ZNF318: variants seen among roughly 807,000 people sequenced by gnomAD.
ZNF318 encodes the protein endocrine regulator.
In ZNF318, 51 loss-of-function variants were observed where a neutral mutation model predicts 124.2. The observed-to-expected ratio is 0.41, with a 90% CI of 0.33 to 0.52. The LOEUF (loss-of-function observed/expected upper bound fraction) is 0.52. Among genes scored for constraint, ZNF318 ranks in the 20% least tolerant of loss-of-function variants. The pLI, the probability that ZNF318 is intolerant of heterozygous loss-of-function variation, is 0.23. For missense variants in ZNF318, 2,815 were observed against 2,811.2 expected (o/e 1.00, Z -0.03); for synonymous variants, 1,090 against 1,040.7 (o/e 1.05, Z -0.91).
rs774327361 is a variant in ZNF318, at chr6:43,339,919, C to A, written c.4079G>T (p.Arg1360Leu). Reference protein sequence around the residue: ...PNLPIPSTVLRKSCSATMSKP... With the variant: ...PNLPIPSTVLLKSCSATMSKP... Reference sequence around the variant, plus strand: ...GCTCATTGTGGCTGAACATGACTTGCGGAGTACTGTGGATGGAATAGGCAG... The same window carrying A: ...GCTCATTGTGGCTGAACATGACTTGAGGAGTACTGTGGATGGAATAGGCAG... The change falls in exon 10 of 10, where the codon CGC becomes CTC. Residue 1360 changes from arginine to leucine, a missense_variant. Arg to Leu is a moderately radical substitution (Grantham distance 102, BLOSUM62 -2). This residue lies in a region of ZNF318 where 500 missense variants were observed against 605.2 expected (regional missense o/e 0.83). Coordinates refer to ENST00000361428, the MANE Select transcript of ZNF318 (RefSeq NM_014345.3). The surrounding 1 kb of genome is among the most constrained non-coding windows in gnomAD (Gnocchi z 4.2). 1 of 1,614,056 alleles carries A rather than the reference C, an allele frequency of 6.2e-7. No homozygotes were observed. Among genetic ancestry groups the A allele is most frequent in the South Asian group, 1.1e-5 (1 of 91,080 alleles).
chr6:43,360,942 G>A (rs1468508082), intron 2 of ZNF318, among the ~76,000 whole-genome samples: 1 of 152,150 alleles, frequency 6.6e-6, no homozygotes, highest in Non-Finnish European at 1.5e-5. Flanking sequence ...AGGGTGGAGG[G>A]AGTAATGGCT....
At position 43,365,233 on chromosome 6, in the gene ZNF318, C is replaced by G; in HGVS notation, c.548+59G>C. 3.2e-6 allele frequency: 5 copies of G among 1,552,040 alleles called. No homozygotes were observed. In the South Asian group the frequency reaches 3.5e-5, roughly 11 times the overall value. On this transcript the variant is annotated intron_variant, in intron 2 of 9. Transcript: ENST00000361428. ...CCTTTCAAATATATCATTCGGAAAACAGCAACATTTCTGCCTTCAAGTACT... is the reference window on the plus strand; with the variant it reads ...CCTTTCAAATATATCATTCGGAAAAGAGCAACATTTCTGCCTTCAAGTACT...
Position 43,344,627 on chromosome 6 carries a change from T to A in ZNF318, c.3073-1748A>T, listed in dbSNP as rs933833937. ...TCTATACTCCTTATCCTGTTTTCTT[T>A]TTTTAGGCACTTCTCATTACCTAAC... On this transcript the variant is annotated intron_variant, in intron 6 of 9. Transcript: ENST00000361428. Among the ~76,000 whole-genome samples, 8 of 152,316 alleles carry A rather than the reference T, an allele frequency of 5.3e-5. No individual in the cohort carries two copies. In the South Asian group the frequency reaches 1.7e-3, roughly 32 times the overall value.
intron 3 of ZNF318, 114 bp downstream of exon 3, chr6:43,357,012 C>T (rs1485605957): frequency 9.5e-6 from 12 of 1,260,888 alleles, no homozygotes; most frequent in South Asian, 1.5e-5. Context: ...CTCACAATGT[C>T]GGTCCAGCAC....
chr6:43,352,387 A>G lies in ZNF318; in HGVS notation c.2760T>C (p.His920=). Reference sequence around the variant, plus strand: ...CAAAGCAGCTGATACCTTGTTGTTTATGAAGCCGCTCTAACTCGGTCCTAA... The same window carrying G: ...CAAAGCAGCTGATACCTTGTTGTTTGTGAAGCCGCTCTAACTCGGTCCTAA... The part of the protein sequence containing the change: ...YYLRTELERL[H]KQQGEMLRKK... Residue 920 remains histidine (H), a synonymous_variant, in exon 5 of 10, where the codon CAT becomes CAC. Transcript: ENST00000361428. 1 of 1,614,088 alleles carries G rather than the reference A, an allele frequency of 6.2e-7. No individual in the cohort carries two copies. The highest frequency in any genetic ancestry group is 1.1e-5 in the South Asian group (1 of 91,076).
rs549011894 is a variant in ZNF318 at position 43,355,438 on chromosome 6, G to A, written c.1896C>T (p.Arg632=). The change falls in exon 4 of 10, where the codon CGC becomes CGT. Residue 632 remains arginine, a synonymous_variant. Transcript: ENST00000361428. The part of the protein sequence containing the change: ...KKPSLRSSAD[R]RSSVDRYFSA... The stretch of plus-strand genomic sequence containing the variant: ...AAAAGTATCGGTCAACTGAGGAACG[G>A]CGGTCAGCTGAGGAGCGTAATGATG... 6 of 1,614,060 alleles carry A rather than the reference G, an allele frequency of 3.7e-6. No individual in the cohort carries two copies. Among genetic ancestry groups the A allele is most frequent in the African/African-American group, 2.7e-5 (2 of 74,936 alleles).
chr6:43,368,686 C>T, intron 1 of ZNF318: 1 of 985,466 alleles, frequency 1.0e-6, no homozygotes, highest in Non-Finnish European at 1.2e-6. Context: ...TGCCCCTCGC[C>T]TTGGCAAACT....
At chr6:43,345,877 C>T (rs571031496) in intron 6 of ZNF318, among the ~76,000 whole-genome samples, 6 of 151,942 alleles carry the variant, frequency 3.9e-5, no homozygotes, top group African/African-American at 1.2e-4. Context: ...GAGGCTGAGG[C>T]GGGAGGATCA....
intron 2 of ZNF318, among the ~76,000 whole-genome samples, chr6:43,361,302 C>A (rs1222461616): frequency 1.3e-5 from 2 of 152,244 alleles, no homozygotes; most frequent in African/African-American, 4.8e-5. Flanking sequence ...CAATGGCTCA[C>A]ACCTGTAATC....
chr6:43,337,870 ACTTT>A lies in ZNF318; in HGVS notation c.6124_6127del (p.Lys2042CysfsTer10). ...AGGTGATACAGAATTTTCTTCACAC[ACTTT>A]CTGACACAAGACAGTTGGGGATCTA... On this transcript the variant is annotated frameshift_variant, in exon 10 of 10. Coordinates refer to ENST00000361428, the MANE Select transcript of ZNF318 (RefSeq NM_014345.3). LOFTEE classifies it high-confidence loss of function. The A allele has an allele frequency of 6.2e-7, 1 of 1,614,182 alleles. No homozygotes were observed. The highest frequency in any genetic ancestry group is 8.5e-7 in the Non-Finnish European group (1 of 1,180,036).
At chr6:43,351,424 G>C (rs902730574) in intron 5 of ZNF318, among the ~76,000 whole-genome samples, 1 of 152,120 alleles carries the variant, frequency 6.6e-6, no homozygotes, top group African/African-American at 2.4e-5. Flanking sequence ...AAATACTTAA[G>C]TATTTAGGAG....
chr6:43,339,749 G>A lies in ZNF318; in HGVS notation c.4249C>T (p.Leu1417=). 6.2e-7 allele frequency: 1 copy of A among 1,614,124 alleles called. No homozygotes were observed. Among genetic ancestry groups the A allele is most frequent in the Non-Finnish European group, 8.5e-7 (1 of 1,180,032 alleles). The change falls in exon 10 of 10, where the codon CTA becomes TTA. Residue 1417 remains leucine, a synonymous_variant. Coordinates refer to ENST00000361428, the MANE Select transcript of ZNF318 (RefSeq NM_014345.3). This position sits in a 1 kb window ranked among gnomAD's most constrained non-coding sequence, Gnocchi z 4.2. The part of the protein sequence containing the change: ...SKAFGGEEVI[L]KGSPEEKVVL... ...ACTTTTTCCTCTGGAGACCCTTTTA[G>A]AATCACCTCTTCCCCTCCAAATGCT...
intron 5 of ZNF318, among the ~76,000 whole-genome samples, chr6:43,349,681 T>C (rs1180110779): frequency 6.6e-6 from 1 of 152,188 alleles, no homozygotes; most frequent in Non-Finnish European, 1.5e-5. Flanking sequence ...TATCAGTATT[T>C]AGGAGCCTTG....
Position 43,357,377 on chromosome 6 carries a change from G to C in ZNF318, c.937C>G (p.Pro313Ala). The C allele has an allele frequency of 1.9e-6, 3 of 1,614,064 alleles. No homozygotes were observed. The highest frequency in any genetic ancestry group is 2.5e-6 in the Non-Finnish European group (3 of 1,180,008). Residue 313 changes from proline (P) to alanine (A), a missense_variant, in exon 3 of 10, where the codon CCT (proline) becomes GCT (alanine). This residue lies in a region of ZNF318 where 1,377 missense variants were observed against 1,353.5 expected (regional missense o/e 1.02). Transcript: ENST00000361428. ...RRSPSPRFLD[P>A]EFRELDLARR... The stretch of plus-strand genomic sequence containing the variant: ...GCAAGATCCAGTTCTCGAAACTCAG[G>C]GTCGAGAAACCTAGGACTTGGGCTT...
chr6:43,367,960 G>C (rs541644176), intron 1 of ZNF318, among the ~76,000 whole-genome samples: 250 of 152,308 alleles, frequency 1.6e-3, no homozygotes, highest in African/African-American at 5.8e-3. Context: ...CGGAGGCGGA[G>C]GTTACAGTGA....
chr6:43,350,720 G>A (rs1779513067), intron 5 of ZNF318, among the ~76,000 whole-genome samples: 2 of 151,946 alleles, frequency 1.3e-5, no homozygotes, highest in Admixed American at 1.3e-4. Flanking sequence ...CTACTCAGGA[G>A]GATCACCTGA....
rs146670568 is a variant in ZNF318, at chr6:43,354,684, G to T, written c.2650C>A (p.Arg884Ser). Residue 884 changes from arginine to serine, a missense_variant, in exon 4 of 10, where the codon CGT becomes AGT. Transcript: ENST00000361428. Reference protein sequence around the residue: ...NPEKISDEKNRASQKQKVIEE... With the variant: ...NPEKISDEKNSASQKQKVIEE... ...TTCACCTTTTGCTTCTGGGAAGCAC[G>T]GTTCTTCTCATCAGAGATCTTCTCT... 1 of 1,608,848 alleles carries T rather than the reference G, an allele frequency of 6.2e-7. No individual in the cohort carries two copies. Among genetic ancestry groups the T allele is most frequent in the South Asian group, 1.1e-5 (1 of 90,768 alleles).
At chr6:43,364,331 G>GA (rs34131739) in intron 2 of ZNF318, 10,720 of 148,078 alleles carry the variant, frequency 0.072, 484 homozygotes, top group Admixed American at 0.11. Context: ...AATTAAGCCT[G>GA]AAAAAAAAAA....
At chr6:43,352,883 G>A (rs1779549772) in intron 4 of ZNF318, among the ~76,000 whole-genome samples, 1 of 152,188 alleles carries the variant, frequency 6.6e-6, no homozygotes, top group South Asian at 2.1e-4. Flanking sequence ...GTAGCATGTT[G>A]TTTAATCCTC....
Sources: allele counts gnomAD v4.1 joint callset (sites outside exome capture counted in the v4.1 genomes callset), GRCh38; gene constraint gnomAD v4.1.1; regional missense constraint gnomAD v4.1.1; non-coding constraint Gnocchi (gnomAD v3.1); transcripts MANE v1.5; gene names NCBI Gene and HGNC (gene_info 2026-07-23, HGNC 2026-07-21).